Variants in EPHA6 observed in about 807,000 individuals in gnomAD.
The protein encoded by EPHA6 is EPH receptor A6, also known as ephrin type-A receptor 6.
Under a neutral mutation model 112.0 loss-of-function variants are expected in EPHA6, and 50 were observed. The ratio of observed to expected loss-of-function variants is 0.45; its 90% CI spans 0.36 to 0.56. The LOEUF is 0.56. EPHA6 is among the 20% of genes least tolerant of loss of function. The pLI, the probability that EPHA6 is intolerant of heterozygous loss-of-function variation, is 0.00. For synonymous variants in EPHA6, 529 were observed against 490.7 expected, an observed-to-expected ratio of 1.08 and a Z score of -1.03; for missense variants, 1,280 against 1,417.4, an observed-to-expected ratio of 0.90 and a Z score of 1.56.
intron 11 of EPHA6, chr3:97,559,724 T>A: frequency 2.3e-6 from 1 of 426,574 alleles, no homozygotes; most frequent in Non-Finnish European, 4.6e-6. Flanking sequence ...TTCCTTATTT[T>A]TTGCATGGAT....
intron 3 of EPHA6, among the ~76,000 whole-genome samples, chr3:97,137,553 G>GGAAT (rs2075796753): frequency 6.6e-6 from 1 of 152,040 alleles, no homozygotes; most frequent in South Asian, 2.1e-4. Context: ...CCTCATAAAA[G>GGAAT]GAATATGACA....
chr3:97,535,556 G>T (rs1440159566), intron 11 of EPHA6, among the ~76,000 whole-genome samples: 1 of 152,090 alleles, frequency 6.6e-6, no homozygotes, highest in Non-Finnish European at 1.5e-5. Flanking sequence ...GGGACTGTTA[G>T]AAGAAAGCCA....
intron 3 of EPHA6, among the ~76,000 whole-genome samples, chr3:97,153,592 A>G (rs757603736): frequency 6.6e-6 from 1 of 152,124 alleles, no homozygotes. Flanking sequence ...AAATCTCAGT[A>G]ATAGAGCTCC....
chr3:96,843,453 T>C (rs1311776144), intron 1 of EPHA6, among the ~76,000 whole-genome samples: 1 of 152,092 alleles, frequency 6.6e-6, no homozygotes, highest in Non-Finnish European at 1.5e-5. Context: ...TTGGAACATT[T>C]ACAGAACCCT....
intron 15 of EPHA6, among the ~76,000 whole-genome samples, chr3:97,724,128 C>G (rs1462966813): frequency 1.3e-5 from 2 of 152,152 alleles, no homozygotes; most frequent in East Asian, 3.9e-4. Flanking sequence ...GCTATTCATA[C>G]AGATCAAATG....
chr3:97,445,568 A>T (rs570610862), intron 6 of EPHA6, among the ~76,000 whole-genome samples: 30 of 152,306 alleles, frequency 2.0e-4, no homozygotes, highest in African/African-American at 6.5e-4. Flanking sequence ...TTGTAAGCTT[A>T]AATTATATAT....
chr3:97,009,976 C>A, intron 3 of EPHA6: 1 of 719,424 alleles, frequency 1.4e-6, no homozygotes, highest in Non-Finnish European at 2.1e-6. Flanking sequence ...GATTCACATG[C>A]TTATCATTGT....
chr3:97,139,572 T>G (rs1012915877), intron 3 of EPHA6, among the ~76,000 whole-genome samples: 2 of 152,082 alleles, frequency 1.3e-5, no homozygotes, highest in Non-Finnish European at 2.9e-5. Flanking sequence ...ATACTAAGGA[T>G]ATGTATAACC....
At chr3:97,376,563 A>C (rs2085371889) in intron 5 of EPHA6, among the ~76,000 whole-genome samples, 1 of 152,216 alleles carries the variant, frequency 6.6e-6, no homozygotes, top group Admixed American at 6.5e-5. Context: ...CTTACTGTTG[A>C]CTTCTTTTTC....
chr3:97,071,628 A>G (rs1378094706), intron 3 of EPHA6, among the ~76,000 whole-genome samples: 3 of 152,068 alleles, frequency 2.0e-5, no homozygotes, highest in Non-Finnish European at 4.4e-5. Flanking sequence ...CCATGATTCA[A>G]TTACCTCTCC....
chr3:96,998,923 G>T (rs1312588510), intron 3 of EPHA6, among the ~76,000 whole-genome samples: 1 of 151,886 alleles, frequency 6.6e-6, no homozygotes, highest in Non-Finnish European at 1.5e-5. Context: ...CTAGTTAAGA[G>T]TTTACCTCAT....
At chr3:97,220,555 T>C (rs756952062) in intron 3 of EPHA6, among the ~76,000 whole-genome samples, 2 of 152,174 alleles carry the variant, frequency 1.3e-5, no homozygotes, top group Non-Finnish European at 2.9e-5. Context: ...AGGGACCTTC[T>C]TCACAAGGCA....
chr3:97,537,546 C>A (rs539091521), intron 11 of EPHA6, among the ~76,000 whole-genome samples: 1 of 152,184 alleles, frequency 6.6e-6, no homozygotes, highest in East Asian at 1.9e-4. Flanking sequence ...ATTCATTCAG[C>A]AAATATTTAT....
intron 8 of EPHA6, among the ~76,000 whole-genome samples, chr3:97,477,158 T>C (rs1422297268): frequency 6.6e-6 from 1 of 152,114 alleles, no homozygotes; most frequent in African/African-American, 2.4e-5. Context: ...TCATCTTTTA[T>C]AGAGGACAGA....
chr3:97,430,053 C>A (rs560135762), intron 6 of EPHA6, among the ~76,000 whole-genome samples: 4 of 152,148 alleles, frequency 2.6e-5, no homozygotes, highest in African/African-American at 7.2e-5. Context: ...GATATAAAAC[C>A]TTTATTTCTT....
At chr3:97,520,394 C>T (rs755834362) in intron 10 of EPHA6, among the ~76,000 whole-genome samples, 10 of 152,038 alleles carry the variant, frequency 6.6e-5, no homozygotes, top group African/African-American at 1.4e-4. Context: ...TTCTAGGGCC[C>T]GTGTAATAGT....
At chr3:97,392,974 G>A (rs889950287) in intron 5 of EPHA6, among the ~76,000 whole-genome samples, 1 of 151,694 alleles carries the variant, frequency 6.6e-6, no homozygotes, top group Non-Finnish European at 1.5e-5. Flanking sequence ...TATGTAATTT[G>A]TATAATTGTA....
intron 1 of EPHA6, among the ~76,000 whole-genome samples, chr3:96,817,107 G>C (rs2032855143): frequency 6.6e-6 from 1 of 151,810 alleles, no homozygotes; most frequent in African/African-American, 2.4e-5. Flanking sequence ...GAGTACAGTG[G>C]GCAAAATAGT....
intron 10 of EPHA6, among the ~76,000 whole-genome samples, chr3:97,525,182 T>A (rs564208934): frequency 2.6e-5 from 4 of 152,134 alleles, no homozygotes; most frequent in Non-Finnish European, 5.9e-5. Context: ...TTCACTCTTT[T>A]TTGATCTTTT....
Sources: allele counts gnomAD v4.1 joint callset (sites outside exome capture counted in the v4.1 genomes callset), GRCh38; gene constraint gnomAD v4.1.1; transcripts MANE v1.5; gene names NCBI Gene and HGNC (gene_info 2026-07-23, HGNC 2026-07-21).